The following RMDN2 variants were observed in gnomAD, a reference collection of about 807,000 sequenced individuals.
The protein encoded by RMDN2 is regulator of microtubule dynamics 2.
Under a neutral mutation model 52.8 loss-of-function variants are expected in RMDN2, and 61 were observed. The observed-to-expected ratio is 1.16, with a 90% CI of 0.94 to 1.43. The LOEUF (loss-of-function observed/expected upper bound fraction) is 1.43, where lower values mean the gene tolerates loss of function less well. Among genes scored for constraint, RMDN2 ranks in the 40% most tolerant of loss-of-function variants. RMDN2 has a pLI of 0.00. For missense variants in RMDN2, 592 were observed against 475.3 expected (o/e 1.25, Z -2.28); for synonymous variants, 180 against 153.1 (o/e 1.18, Z -1.30).
At chr2:37,968,438 CAAAAAAAAA>C (rs71400332) in intron 2 of RMDN2, among the ~76,000 whole-genome samples, 11 of 89,152 alleles carry the variant, frequency 1.2e-4, no homozygotes, top group African/African-American at 2.1e-4. Context: ...GACTCTGTCT[CAAAAAAAAA>C]AAAAAAAAAA....
At chr2:37,981,005 C>G (rs1289876757) in intron 4 of RMDN2, among the ~76,000 whole-genome samples, 3 of 152,190 alleles carry the variant, frequency 2.0e-5, no homozygotes, top group Non-Finnish European at 4.4e-5. Context: ...AATGACGTTT[C>G]TTGCACTTGG....
At chr2:37,985,229 A>G (rs996639090) in intron 5 of RMDN2, among the ~76,000 whole-genome samples, 2 of 152,196 alleles carry the variant, frequency 1.3e-5, no homozygotes, top group Non-Finnish European at 2.9e-5. Context: ...ATAGCAGAAG[A>G]TAGATTCTAC....
chr2:38,038,192 G>A (rs1040351341), intron 10 of RMDN2, among the ~76,000 whole-genome samples: 5 of 152,146 alleles, frequency 3.3e-5, no homozygotes, highest in African/African-American at 1.2e-4. Flanking sequence ...GGGCTTCCGG[G>A]ACTTTCCACT....
intron 10 of RMDN2, among the ~76,000 whole-genome samples, chr2:38,045,434 T>A (rs879859183): frequency 1.3e-5 from 2 of 152,234 alleles, no homozygotes; most frequent in Non-Finnish European, 2.9e-5. Flanking sequence ...TCTATGCATA[T>A]GTTTTTAATC....
intron 10 of RMDN2, among the ~76,000 whole-genome samples, chr2:38,045,937 C>T (rs368521632): frequency 2.2e-4 from 33 of 152,274 alleles, no homozygotes; most frequent in East Asian, 5.8e-4. Context: ...GCAACTAGCC[C>T]GAGGTTGTGA....
chr2:37,955,268 C>A (rs1487642979), intron 2 of RMDN2, among the ~76,000 whole-genome samples: 1 of 152,032 alleles, frequency 6.6e-6, no homozygotes. Flanking sequence ...TTGTCTTGTT[C>A]CTAATCTTAA....
intron 2 of RMDN2, among the ~76,000 whole-genome samples, chr2:37,934,655 A>T (rs561572540): frequency 6.6e-6 from 1 of 152,128 alleles, no homozygotes; most frequent in Non-Finnish European, 1.5e-5. Context: ...AGCTGGGTAT[A>T]TGGGGGAGTA....
At chr2:38,035,989 G>A (rs1680548678) in intron 10 of RMDN2, 1 of 151,450 alleles carries the variant, frequency 6.6e-6, no homozygotes, top group Non-Finnish European at 1.5e-5. Context: ...ATGCCAGCTA[G>A]GAAGGAAATA....
At chr2:37,954,066 T>A (rs1204338847) in intron 2 of RMDN2, among the ~76,000 whole-genome samples, 1 of 151,952 alleles carries the variant, frequency 6.6e-6, no homozygotes, top group Non-Finnish European at 1.5e-5. Context: ...TTTTGTTGAT[T>A]TGTAGGAGTT....
intron 8 of RMDN2, among the ~76,000 whole-genome samples, chr2:38,003,382 A>T (rs926288832): frequency 6.6e-6 from 1 of 152,114 alleles, no homozygotes; most frequent in East Asian, 1.9e-4. Context: ...GTGAAATCCC[A>T]TCTCTATTAA....
intron 10 of RMDN2, chr2:38,066,882 C>T (rs1682305969): frequency 9.4e-7 from 1 of 1,065,374 alleles, no homozygotes; most frequent in Non-Finnish European, 1.5e-6. Context: ...TAAACCACTC[C>T]ATAGCCATAC....
chr2:37,926,024 G>C (rs888527399), intron 1 of RMDN2, among the ~76,000 whole-genome samples: 12 of 152,322 alleles, frequency 7.9e-5, no homozygotes, highest in African/African-American at 2.4e-4. Flanking sequence ...CACTTCGAAA[G>C]TACCAGGTTT....
intron 5 of RMDN2, among the ~76,000 whole-genome samples, chr2:37,983,224 A>T (rs538754627): frequency 2.6e-5 from 4 of 152,320 alleles, no homozygotes; most frequent in South Asian, 4.1e-4. Context: ...GAGGTTATTT[A>T]TCAGTGTGGG....
At chr2:38,033,007 C>T (rs952377178) in intron 10 of RMDN2, 5 of 152,194 alleles carry the variant, frequency 3.3e-5, no homozygotes, top group African/African-American at 1.2e-4. Flanking sequence ...TACCATTTTA[C>T]ATTCCCATTG....
At chr2:37,923,030 A>G (rs1160875153), upstream of RMDN2, among the ~76,000 whole-genome samples, 3 of 152,230 alleles carry the variant, frequency 2.0e-5, no homozygotes, top group Non-Finnish European at 4.4e-5. Context: ...GGTTTGATGA[A>G]TAACAGCAAC....
At chr2:37,957,448 A>C (rs1184511701) in intron 2 of RMDN2, among the ~76,000 whole-genome samples, 1 of 151,530 alleles carries the variant, frequency 6.6e-6, no homozygotes, top group East Asian at 1.9e-4. Flanking sequence ...GCTGCTTTTA[A>C]GAAGTGTCTG....
chr2:37,950,413 G>T, intron 2 of RMDN2: 1 of 1,602,492 alleles, frequency 6.2e-7, no homozygotes, highest in Non-Finnish European at 8.5e-7. Context: ...GATGTCATGA[G>T]ATTCTAGAGT....
Position 37,961,286 on chromosome 2 carries a change from C to A in RMDN2, c.453-12754C>A, listed in dbSNP as rs546881512. Among the ~76,000 whole-genome samples, 7 of 152,162 alleles carry A rather than the reference C, an allele frequency of 4.6e-5. 1 individual carries two copies. Among genetic ancestry groups the A allele is most frequent in the Non-Finnish European group, 2.9e-5 (2 of 68,028 alleles). The stretch of plus-strand genomic sequence containing the variant: ...TGGATAATATCCTGAAGAGTGTTTT[C>A]CAACTTGGTTCCATTCTCCCTATCA... On this transcript the variant is annotated intron_variant, in intron 2 of 10. Coordinates refer to ENST00000354545, the MANE Select transcript of RMDN2 (RefSeq NM_001170791.3).
intron 10 of RMDN2, among the ~76,000 whole-genome samples, 181 bp from the exon 11 acceptor site, chr2:38,017,005 A>G (rs539279209): frequency 4.6e-5 from 7 of 152,194 alleles, no homozygotes; most frequent in Non-Finnish European, 1.0e-4. Context: ...ATTAAAAAAA[A>G]TAATAAAACA....
Sources: allele counts gnomAD v4.1 joint callset (sites outside exome capture counted in the v4.1 genomes callset), GRCh38; gene constraint gnomAD v4.1.1; transcripts MANE v1.5; gene names NCBI Gene and HGNC (gene_info 2026-07-23, HGNC 2026-07-21).